THADA: variants seen among roughly 807,000 people sequenced by gnomAD.
THADA encodes the protein tRNA (32-2'-O)-methyltransferase regulator THADA.
THADA carries 213 observed loss-of-function variants against 219.8 expected under a neutral mutation model. The observed-to-expected ratio is 0.97, with a 90% CI of 0.87 to 1.09. The LOEUF is 1.09. Among genes scored for constraint, THADA ranks in the 50% least tolerant of loss-of-function variants. The pLI, the probability that THADA is intolerant of heterozygous loss-of-function variation, is 0.00. For missense variants in THADA, 2,956 were observed against 2,311.3 expected, an observed-to-expected ratio of 1.28 and a Z score of -5.72; for synonymous variants, 1,018 against 828.9, an observed-to-expected ratio of 1.23 and a Z score of -3.92.
intron 28 of THADA, among the ~76,000 whole-genome samples, chr2:43,419,921 A>G (rs1372655158): frequency 6.6e-6 from 1 of 152,236 alleles, no homozygotes; most frequent in African/African-American, 2.4e-5. Flanking sequence ...TGCACCATCA[A>G]TGGTTTCTCC....
chr2:43,515,274 TA>T lies in THADA; in HGVS notation c.3375-6495del, dbSNP rs1197806295. Among the ~76,000 whole-genome samples, 45 of 59,576 alleles carry T rather than the reference TA, an allele frequency of 7.6e-4. 1 individual carries two copies. Among genetic ancestry groups the T allele is most frequent in the Non-Finnish European group, 1.3e-3 (41 of 32,692 alleles). The allele number at this position is 59,576 out of a possible 152,430, so 39.1% of individuals were successfully genotyped here. On this transcript the variant is annotated intron_variant, in intron 22 of 37. Coordinates refer to ENST00000405975, the MANE Select transcript of THADA (RefSeq NM_022065.5). ...TATATATAATATATAATATATAATA[TA>T]TAATATATTATATATAATATATAAT...
intron 30 of THADA, among the ~76,000 whole-genome samples, chr2:43,331,252 C>T (rs555573090): frequency 2.2e-4 from 34 of 152,300 alleles, no homozygotes; most frequent in African/African-American, 8.2e-4. Flanking sequence ...ATTGGAAAGA[C>T]AAAACCTATG....
intron 29 of THADA, among the ~76,000 whole-genome samples, chr2:43,346,276 GA>G (rs1667616505): frequency 6.6e-6 from 1 of 152,148 alleles, no homozygotes; most frequent in Non-Finnish European, 1.5e-5. Flanking sequence ...AAAAATATTT[GA>G]ATACACAACT....
intron 26 of THADA, among the ~76,000 whole-genome samples, chr2:43,464,853 A>G (rs888644571): frequency 1.3e-5 from 2 of 151,908 alleles, no homozygotes; most frequent in Non-Finnish European, 2.9e-5. Flanking sequence ...GTTTTGACAG[A>G]CTTCTGCTTG....
At chr2:43,237,781 T>A (rs1572718931) in intron 36 of THADA, among the ~76,000 whole-genome samples, 1 of 152,074 alleles carries the variant, frequency 6.6e-6, no homozygotes, top group Non-Finnish European at 1.5e-5. Flanking sequence ...AGGCAACTAC[T>A]TCTTAGATAT....
At chr2:43,542,666 A>G (rs1288868675) in intron 20 of THADA, among the ~76,000 whole-genome samples, 2 of 152,166 alleles carry the variant, frequency 1.3e-5, no homozygotes, top group East Asian at 3.9e-4. Context: ...GCTTGACTTT[A>G]AGAACTCTCA....
chr2:43,400,263 T>G (rs1674637112), intron 28 of THADA, among the ~76,000 whole-genome samples: 2 of 152,160 alleles, frequency 1.3e-5, no homozygotes, highest in South Asian at 4.1e-4. Flanking sequence ...GGATACCCTG[T>G]GTTAGGGTGG....
chr2:43,344,037 A>T, intron 30 of THADA, 85 bp downstream of exon 30: 1 of 993,372 alleles, frequency 1.0e-6, no homozygotes, highest in Non-Finnish European at 1.5e-6. Context: ...AATGACTTTT[A>T]AAACTCCCCA....
chr2:43,552,404 G>T, intron 17 of THADA, 65 bp from the exon 18 acceptor site: 1 of 1,495,944 alleles, frequency 6.7e-7, no homozygotes, highest in Non-Finnish European at 9.0e-7. Flanking sequence ...TGTACGAACA[G>T]CAAAATAGTT....
At chr2:43,388,025 A>C (rs1672899884) in intron 29 of THADA, among the ~76,000 whole-genome samples, 1 of 152,230 alleles carries the variant, frequency 6.6e-6, no homozygotes, top group African/African-American at 2.4e-5. Context: ...CTGTGTCCTT[A>C]GTAACTCAAA....
At chr2:43,256,977 G>T (rs1396365359) in intron 36 of THADA, among the ~76,000 whole-genome samples, 1 of 152,200 alleles carries the variant, frequency 6.6e-6, no homozygotes, top group African/African-American at 2.4e-5. Flanking sequence ...TCAGGATAGA[G>T]AGGACTCCCT....
At chr2:43,247,191 T>G (rs1400468479) in intron 36 of THADA, among the ~76,000 whole-genome samples, 1 of 152,198 alleles carries the variant, frequency 6.6e-6, no homozygotes, top group Non-Finnish European at 1.5e-5. Context: ...GCAGGCTGTT[T>G]TCTACTTTTC....
intron 29 of THADA, among the ~76,000 whole-genome samples, chr2:43,367,290 CTG>C (rs1436842068): frequency 6.6e-6 from 1 of 152,160 alleles, no homozygotes; most frequent in African/African-American, 2.4e-5. Context: ...CATTACTAAA[CTG>C]TGCACTTAAA....
At chr2:43,447,043 GTTT>G (rs1273714069) in intron 26 of THADA, among the ~76,000 whole-genome samples, 1 of 152,142 alleles carries the variant, frequency 6.6e-6, no homozygotes, top group Non-Finnish European at 1.5e-5. Context: ...AAGAAAAGAG[GTTT>G]AATTGACTCA....
At chr2:43,439,989 C>A (rs976929277) in intron 26 of THADA, among the ~76,000 whole-genome samples, 6 of 152,010 alleles carry the variant, frequency 3.9e-5, no homozygotes, top group African/African-American at 1.5e-4. Flanking sequence ...ACATTTTATC[C>A]AAAATATGTT....
At chr2:43,272,566 A>G (rs1013004188) in intron 36 of THADA, among the ~76,000 whole-genome samples, 1 of 151,416 alleles carries the variant, frequency 6.6e-6, no homozygotes, top group Non-Finnish European at 1.5e-5. Context: ...TCTATAGACT[A>G]TCTTAAGTAG....
intron 28 of THADA, among the ~76,000 whole-genome samples, chr2:43,415,490 A>G (rs2104772408): frequency 6.6e-6 from 1 of 152,294 alleles, no homozygotes; most frequent in South Asian, 2.1e-4. Flanking sequence ...CTCTCCAAGC[A>G]TGGGCACTCC....
intron 20 of THADA, among the ~76,000 whole-genome samples, chr2:43,543,029 C>T (rs1368374581): frequency 8.2e-6 from 1 of 122,384 alleles, no homozygotes; most frequent in South Asian, 3.3e-4. Context: ...CCCCCCTCCC[C>T]CCACCCCACA....
At chr2:43,512,662 C>G (rs1375634960) in intron 22 of THADA, among the ~76,000 whole-genome samples, 8 of 152,198 alleles carry the variant, frequency 5.3e-5, no homozygotes, top group Non-Finnish European at 1.0e-4. Flanking sequence ...GCCACCACGC[C>G]CAGCTAACTT....
Sources: allele counts gnomAD v4.1 joint callset (sites outside exome capture counted in the v4.1 genomes callset), GRCh38; gene constraint gnomAD v4.1.1; transcripts MANE v1.5; gene names NCBI Gene and HGNC (gene_info 2026-07-23, HGNC 2026-07-21).